Variants in TLR2 observed in about 807,000 individuals in gnomAD.
TLR2 encodes toll like receptor 2.
A neutral mutation model predicts 9.1 loss-of-function variants in TLR2; 7 were observed. The ratio of observed to expected loss-of-function variants is 0.77; its 90% CI spans 0.44 to 1.44. The LOEUF is 1.44. Among genes scored for constraint, TLR2 ranks in the 40% most tolerant of loss-of-function variants. TLR2 has a pLI of 0.01. For missense variants in TLR2, 812 were observed against 904.6 expected (o/e 0.90, Z 1.31); for synonymous variants, 317 against 344.6 (o/e 0.92, Z 0.89).
intron 2 of TLR2, among the ~76,000 whole-genome samples, chr4:153,699,188 T>G (rs767713027): frequency 1.1e-4 from 16 of 152,174 alleles, no homozygotes; most frequent in Non-Finnish European, 1.9e-4. Context: ...AACTGTCTCT[T>G]GTGCCCCTCT....
chr4:153,689,941 A>G (rs906505875), intron 2 of TLR2, among the ~76,000 whole-genome samples: 2 of 152,214 alleles, frequency 1.3e-5, no homozygotes, highest in Non-Finnish European at 2.9e-5. Flanking sequence ...ATCAGTCTCG[A>G]CATGGCTGCA....
chr4:153,696,731 CT>C (rs1736527217), intron 2 of TLR2, among the ~76,000 whole-genome samples: 1 of 152,048 alleles, frequency 6.6e-6, no homozygotes, highest in Admixed American at 6.5e-5. Flanking sequence ...CAATTGTTTG[CT>C]TTATAGTTTT....
At chr4:153,691,002 C>T (rs1037809847) in intron 2 of TLR2, among the ~76,000 whole-genome samples, 7 of 152,146 alleles carry the variant, frequency 4.6e-5, no homozygotes, top group African/African-American at 1.7e-4. Context: ...GAATGAACCA[C>T]ATAGGAAGAA....
intron 2 of TLR2, among the ~76,000 whole-genome samples, chr4:153,693,589 A>C (rs956231956): frequency 4.6e-5 from 7 of 152,118 alleles, no homozygotes; most frequent in African/African-American, 1.7e-4. Context: ...TTTGCTTCGA[A>C]ATAATGAGGG....
chr4:153,703,712 G>A lies in TLR2; in HGVS notation c.805G>A (p.Val269Ile). The change falls in exon 3 of 3, where the codon GTT becomes ATT. Residue 269 changes from valine to isoleucine, a missense_variant. By Grantham distance (29) the Val-to-Ile change is conservative. Coordinates refer to ENST00000642700, the MANE Select transcript of TLR2 (RefSeq NM_001318789.2). ...VKITDESLFQ[V>I]MKLLNQISGL... ...AATCACCGATGAAAGTTTGTTTCAGGTTATGAAACTTTTGAATCAGATTTC... is the reference window on the plus strand; with the variant it reads ...AATCACCGATGAAAGTTTGTTTCAGATTATGAAACTTTTGAATCAGATTTC... 12 of 1,613,808 alleles carry A rather than the reference G, an allele frequency of 7.4e-6. No homozygotes were observed. The highest frequency in any genetic ancestry group is 1.0e-5 in the Non-Finnish European group (12 of 1,179,950).
intron 2 of TLR2, 73 bp downstream of exon 2, chr4:153,688,120 T>C (rs542378912): frequency 1.3e-5 from 2 of 152,332 alleles, no homozygotes; most frequent in South Asian, 4.1e-4. Flanking sequence ...AGCAATTCTT[T>C]GATGGATTGG....
At chr4:153,693,913 G>A (rs1364212296) in intron 2 of TLR2, among the ~76,000 whole-genome samples, 4 of 152,146 alleles carry the variant, frequency 2.6e-5, no homozygotes, top group Non-Finnish European at 4.4e-5. Flanking sequence ...CACGTTGGGC[G>A]CCACTTGCCG....
intron 2 of TLR2, among the ~76,000 whole-genome samples, chr4:153,697,723 G>A (rs191700265): frequency 1.3e-5 from 2 of 152,190 alleles, no homozygotes; most frequent in Admixed American, 1.3e-4. Flanking sequence ...AAACTAATTG[G>A]GCTTATTTGA....
intron 2 of TLR2, among the ~76,000 whole-genome samples, chr4:153,696,702 A>G (rs1397076292): frequency 6.6e-6 from 1 of 152,202 alleles, no homozygotes; most frequent in Non-Finnish European, 1.5e-5. Context: ...AATGTACAGA[A>G]TGCTGGTGTG....
At chr4:153,710,237 C>T (rs531928343), downstream of TLR2, 49 of 655,264 alleles carry the variant, frequency 7.5e-5, no homozygotes, top group South Asian at 1.2e-3. Flanking sequence ...TCCACATGGA[C>T]AAATTGCTTG....
intron 2 of TLR2, among the ~76,000 whole-genome samples, chr4:153,697,718 AATTG>A (rs1400195710): frequency 6.6e-6 from 1 of 152,172 alleles, no homozygotes; most frequent in Non-Finnish European, 1.5e-5. Flanking sequence ...ATATTAAACT[AATTG>A]GGCTTATTTG....
intron 2 of TLR2, chr4:153,701,824 C>T (rs1297448037): frequency 6.6e-6 from 1 of 150,424 alleles, no homozygotes; most frequent in African/African-American, 2.4e-5. Flanking sequence ...CACAAAAATT[C>T]TGGCTTCAAC....
At chr4:153,709,400 TCAAAA>T (rs1230063111), downstream of TLR2, among the ~76,000 whole-genome samples, 2 of 152,214 alleles carry the variant, frequency 1.3e-5, no homozygotes, top group Non-Finnish European at 2.9e-5. Flanking sequence ...GACCAGTAAT[TCAAAA>T]CAAATTAATT....
chr4:153,709,025 TTTC>T (rs1485359325), downstream of TLR2, among the ~76,000 whole-genome samples: 1 of 152,112 alleles, frequency 6.6e-6, no homozygotes, highest in Non-Finnish European at 1.5e-5. Flanking sequence ...TGTGGAGAGC[TTTC>T]TTCTTTCACT....
chr4:153,693,501 T>C lies in TLR2; in HGVS notation c.-17+5454T>C, dbSNP rs147556819. Among the ~76,000 whole-genome samples the C allele has an allele frequency of 5.0e-3, 761 of 152,238 alleles. 7 individuals are homozygous for C. The highest frequency in any genetic ancestry group is 0.018 in the African/African-American group (730 of 41,538). ...TAGAACTGAGAGTGGTCGCTCGAGG[T>C]GCTGCTCAGTCACTGGGGCGACTAC... On this transcript the variant is annotated intron_variant, in intron 2 of 2. Coordinates refer to ENST00000642700, the MANE Select transcript of TLR2 (RefSeq NM_001318789.2).
Position 153,704,467 on chromosome 4 carries a change from C to A in TLR2, c.1560C>A (p.Asp520Glu). ...CTACGTTTTCTAAGGAGCAACTTGACTCATTTCACACACTGAAGACTTTGG... is the reference window on the plus strand; with the variant it reads ...CTACGTTTTCTAAGGAGCAACTTGAATCATTTCACACACTGAAGACTTTGG... ...AITTFSKEQL[D>E]SFHTLKTLEA... The change falls in exon 3 of 3, where the codon GAC (aspartate) becomes GAA (glutamate). Residue 520 changes from aspartate to glutamate, a missense_variant. By Grantham distance (45) the Asp-to-Glu change is conservative. Transcript: ENST00000642700. 6.2e-7 allele frequency: 1 copy of A among 1,614,146 alleles called. No homozygotes were observed. Among genetic ancestry groups the A allele is most frequent in the Non-Finnish European group, 8.5e-7 (1 of 1,180,030 alleles).
At chr4:153,693,586 C>G (rs189398930) in intron 2 of TLR2, among the ~76,000 whole-genome samples, 2 of 152,114 alleles carry the variant, frequency 1.3e-5, no homozygotes, top group Non-Finnish European at 2.9e-5. Context: ...TCTTTTGCTT[C>G]GAAATAATGA....
At position 153,704,761 on chromosome 4, in the gene TLR2, G is replaced by A. The variant is rs1248363555; in HGVS notation, c.1854G>A (p.Met618Ile). 1 of 1,614,018 alleles carries A rather than the reference G, an allele frequency of 6.2e-7. No individual in the cohort carries two copies. The highest frequency in any genetic ancestry group is 8.5e-7 in the Non-Finnish European group (1 of 1,179,990). Reference sequence around the variant, plus strand: ...ACCGTTTCCATGGCCTGTGGTATATGAAAATGATGTGGGCCTGGCTCCAGG... The same window carrying A: ...ACCGTTTCCATGGCCTGTGGTATATAAAAATGATGTGGGCCTGGCTCCAGG... The part of the protein sequence containing the change: ...LCHRFHGLWY[M>I]KMMWAWLQAK... The change falls in exon 3 of 3, where the codon ATG (methionine) becomes ATA (isoleucine). Residue 618 changes from methionine to isoleucine, a missense_variant. By Grantham distance (10) the Met-to-Ile change is conservative (BLOSUM62 1). Transcript: ENST00000642700.
chr4:153,702,744 TTCTC>T (rs1197748254), intron 2 of TLR2, 144 bp from the exon 3 acceptor site: 36 of 653,762 alleles, frequency 5.5e-5, no homozygotes, highest in Non-Finnish European at 6.9e-5. Context: ...ATTCATCTGT[TTCTC>T]TCTCTCTCTC....
Sources: allele counts gnomAD v4.1 joint callset (sites outside exome capture counted in the v4.1 genomes callset), GRCh38; gene constraint gnomAD v4.1.1; transcripts MANE v1.5; gene names NCBI Gene and HGNC (gene_info 2026-07-23, HGNC 2026-07-21).